COL6A3: variants seen among roughly 807,000 people sequenced by gnomAD.
COL6A3 encodes collagen type VI alpha 3 chain.
Under a neutral mutation model 274.1 loss-of-function variants are expected in COL6A3, and 137 were observed. That is an observed-to-expected ratio of 0.50 (90% CI 0.44 to 0.58). COL6A3 has a LOEUF of 0.58. Ranked by LOEUF, COL6A3 falls within the 20% of genes least tolerant of loss-of-function variation. The pLI is 0.00. For missense variants in COL6A3, 3,950 were observed against 4,124.9 expected, an observed-to-expected ratio of 0.96 and a Z score of 1.16; for synonymous variants, 1,650 against 1,650.6, an observed-to-expected ratio of 1.00 and a Z score of 0.01.
At chr2:237,341,410 G>A (rs2076984807) in intron 37 of COL6A3, among the ~76,000 whole-genome samples, 5 of 152,132 alleles carry the variant, frequency 3.3e-5, no homozygotes, top group Admixed American at 6.5e-5. Flanking sequence ...TGGGCCTGAT[G>A]GCGCATGCCT....
At chr2:237,405,684 C>G (rs4663745) in intron 1 of COL6A3, among the ~76,000 whole-genome samples, 54,639 of 151,938 alleles carry the variant, frequency 0.36, 11,464 homozygotes, top group African/African-American at 0.58. Context: ...ATAAAAACAA[C>G]ATAGAACCAG....
At chr2:237,332,071 A>ATC (rs1700265651) in intron 42 of COL6A3, among the ~76,000 whole-genome samples, 1 of 2,230 alleles carries the variant, frequency 4.5e-4, no homozygotes, top group Admixed American at 4.5e-3. Context: ...CTCTCTCTAC[A>ATC]TATATATATA....
At position 237,387,636 on chromosome 2, in the gene COL6A3, C is replaced by T. The variant is rs749395620; in HGVS notation, c.1258G>A (p.Val420Ile). Reference protein sequence around the residue: ...DLQEKLLPYIVGVAQRHIVLK... With the variant: ...DLQEKLLPYIIGVAQRHIVLK... ...ACAATGTGCCTTTGGGCCACGCCAA[C>T]AATGTACGGCAGTAATTTCTCCTGG... The change falls in exon 4 of 44, where the codon GTT becomes ATT. Residue 420 changes from valine (V) to isoleucine (I), a missense_variant. Physicochemically the swap from Val to Ile is conservative, Grantham distance 29 (BLOSUM62 3). Transcript: ENST00000295550. The T allele has an allele frequency of 6.2e-7, 1 of 1,613,804 alleles. No homozygotes were observed. Among genetic ancestry groups the T allele is most frequent in the Non-Finnish European group, 8.5e-7 (1 of 1,179,852 alleles).
intron 28 of COL6A3, among the ~76,000 whole-genome samples, chr2:237,349,309 T>G (rs1285620714): frequency 6.6e-6 from 1 of 152,214 alleles, no homozygotes; most frequent in Non-Finnish European, 1.5e-5. Flanking sequence ...ACTTAGTTAA[T>G]TTACAGTTTT....
In COL6A3 at chr2:237,365,896, G is replaced by A. The variant is rs1303172465; in HGVS notation, c.5640C>T (p.Gly1880=). The change falls in exon 12 of 44, where the codon GGC becomes GGT. Residue 1880 remains glycine, a synonymous_variant. Coordinates refer to ENST00000295550, the MANE Select transcript of COL6A3 (RefSeq NM_004369.4). The part of the protein sequence containing the change: ...SQMHRVSCSG[G]RSPTVRVSVV... ...CTGACACACGCACGGTGGGCGAGCG[G>A]CCACCGCTGCAGCTGACCCTGTGCA... 12 of 1,613,998 alleles carry A rather than the reference G, an allele frequency of 7.4e-6. No individual in the cohort carries two copies. The South Asian group carries it at 1.2e-4, about 16-fold the overall frequency.
intron 7 of COL6A3, 144 bp from the exon 8 acceptor site, chr2:237,375,164 G>A: frequency 1.6e-6 from 2 of 1,274,254 alleles, no homozygotes; most frequent in Admixed American, 2.0e-5. Context: ...ATGTGATTCA[G>A]GTAAGGATTT....
intron 9 of COL6A3, among the ~76,000 whole-genome samples, chr2:237,369,415 T>C (rs2106353722): frequency 6.6e-6 from 1 of 152,362 alleles, no homozygotes; most frequent in South Asian, 2.1e-4. Flanking sequence ...CTGAATTTAC[T>C]CTATTTAAAT....
chr2:237,347,772 T>C (rs2077125256), intron 31 of COL6A3, 35 bp downstream of exon 31: 1 of 1,591,348 alleles, frequency 6.3e-7, no homozygotes, highest in Non-Finnish European at 8.6e-7. Flanking sequence ...TACGTTCTCA[T>C]TCCTCACCTG....
intron 4 of COL6A3, among the ~76,000 whole-genome samples, chr2:237,383,177 C>T (rs751690340): frequency 1.3e-5 from 2 of 152,258 alleles, no homozygotes; most frequent in Non-Finnish European, 1.5e-5. Context: ...GGGTGAGAAT[C>T]GCTGATACAT....
chr2:237,351,215 T>C (rs755651302), intron 26 of COL6A3, 23 bp from the exon 27 acceptor site: 2 of 1,613,594 alleles, frequency 1.2e-6, no homozygotes, highest in Non-Finnish European at 1.7e-6. Flanking sequence ...GGGAGGAATG[T>C]GTCAGTGAAG....
In COL6A3 at chr2:237,346,571, G is replaced by A. The variant is rs2077101135; in HGVS notation, c.7030-6C>T. The A allele has an allele frequency of 6.2e-7, 1 of 1,613,060 alleles. No individual in the cohort carries two copies. On this transcript the variant is annotated splice_polypyrimidine_tract_variant and splice_region_variant and intron_variant, in intron 31 of 43. Coordinates refer to ENST00000295550, the MANE Select transcript of COL6A3 (RefSeq NM_004369.4). ...CCTGGAGGTCCCGAATTTCCCTAGA[G>A]GGAGCAGAACAAACATTGTTCAACT...
chr2:237,411,323 G>A (rs1005691619), intron 1 of COL6A3, among the ~76,000 whole-genome samples: 4 of 152,204 alleles, frequency 2.6e-5, no homozygotes, highest in Non-Finnish European at 5.9e-5. Flanking sequence ...ACGACTTGCC[G>A]GTGAATTTTA....
At chr2:237,339,745 A>G (rs1361578780) in intron 38 of COL6A3, among the ~76,000 whole-genome samples, 1 of 152,186 alleles carries the variant, frequency 6.6e-6, no homozygotes, top group African/African-American at 2.4e-5. Context: ...CACACTGTAC[A>G]CAGGCTCTGG....
rs368077444 is a variant in COL6A3, at chr2:237,394,923, T to A, written c.373A>T (p.Ile125Leu). ...GCCTTGGTGAGGTGGCTTTGCATTATGTATTCTAATCCTTTTCCAGTCTGA... is the reference window on the plus strand; with the variant it reads ...GCCTTGGTGAGGTGGCTTTGCATTAAGTATTCTAATCCTTTTCCAGTCTGA... ...TNQTGKGLEY[I>L]MQSHLTKAAG... Residue 125 changes from isoleucine (I) to leucine (L), a missense_variant, in exon 3 of 44, where the codon ATA (isoleucine) becomes TTA (leucine). This residue lies in a region of COL6A3 where 1,934 missense variants were observed against 1,984.3 expected (regional missense o/e 0.97). Transcript: ENST00000295550. 1 of 1,613,416 alleles carries A rather than the reference T, an allele frequency of 6.2e-7. No homozygotes were observed. Among genetic ancestry groups the A allele is most frequent in the Non-Finnish European group, 8.5e-7 (1 of 1,179,490 alleles).
chr2:237,340,025 G>T (rs1388174754), intron 38 of COL6A3, among the ~76,000 whole-genome samples: 1 of 152,208 alleles, frequency 6.6e-6, no homozygotes, highest in Non-Finnish European at 1.5e-5. Flanking sequence ...CAAGCACGGG[G>T]CTGGTGGCTA....
At chr2:237,397,017 T>TGATAGATAGATAGATAGATAGATA (rs60589035) in intron 1 of COL6A3, among the ~76,000 whole-genome samples, 170 bp from the exon 2 acceptor site, 5 of 145,998 alleles carry the variant, frequency 3.4e-5, no homozygotes, top group Non-Finnish European at 7.5e-5. Context: ...GTTAGATAGA[T>TGATAGATAGATAGATAGATAGATA]GATAGATAGA....
Position 237,336,146 on chromosome 2 carries a change from G to C in COL6A3, c.8954C>G (p.Thr2985Ser), listed in dbSNP as rs1700530729. The change falls in exon 40 of 44, where the codon ACT becomes AGT. Residue 2985 changes from threonine to serine, a missense_variant. By Grantham distance (58) the Thr-to-Ser change is moderately conservative. This residue lies in a region of COL6A3 where 1,284 missense variants were observed against 1,349.7 expected (regional missense o/e 0.95). Coordinates refer to ENST00000295550, the MANE Select transcript of COL6A3 (RefSeq NM_004369.4). ...AKPAATKPAT[T>S]KPMVKMSREV... ...AAGGGCTTTCTTACCCATGGGCTTAGTGGTGGCTGGCTTGGTGGCAGCTGG... is the reference window on the plus strand; with the variant it reads ...AAGGGCTTTCTTACCCATGGGCTTACTGGTGGCTGGCTTGGTGGCAGCTGG... 2 of 1,613,454 alleles carry C rather than the reference G, an allele frequency of 1.2e-6. No homozygotes were observed. The highest frequency in any genetic ancestry group is 1.7e-6 in the Non-Finnish European group (2 of 1,180,032).
intron 1 of COL6A3, among the ~76,000 whole-genome samples, chr2:237,401,325 G>A (rs2078583639): frequency 6.6e-6 from 1 of 152,158 alleles, no homozygotes; most frequent in East Asian, 1.9e-4. Flanking sequence ...ATATCCAAAA[G>A]ATGGAAACAA....
In COL6A3 at chr2:237,379,077, T is replaced by G. The variant is rs1033771722; in HGVS notation, c.2056A>C (p.Thr686Pro). ...TTTAAAGAGAACTCCGTTACAGGAG[T>G]GTCACTAAATTGCACTAAACCAACA... ...IRVGLVQFSDTPVTEFSLNTY... is the reference protein window; with the variant it reads ...IRVGLVQFSDPPVTEFSLNTY... Residue 686 changes from threonine to proline, a missense_variant, in exon 6 of 44, where the codon ACT becomes CCT. Thr to Pro is a conservative substitution (Grantham distance 38, BLOSUM62 -1). Coordinates refer to ENST00000295550, the MANE Select transcript of COL6A3 (RefSeq NM_004369.4). 5 of 1,614,096 alleles carry G rather than the reference T, an allele frequency of 3.1e-6. No homozygotes were observed. The highest frequency in any genetic ancestry group is 4.2e-6 in the Non-Finnish European group (5 of 1,180,004).
Sources: gnomAD v4.1 joint callset for allele counts (sites outside exome capture counted in the v4.1 genomes callset) on GRCh38, gnomAD v4.1.1 for gene constraint, gnomAD v4.1.1 regional missense constraint, MANE v1.5 for transcripts, NCBI Gene and HGNC (gene_info 2026-07-23, HGNC 2026-07-21) for gene names.